The following ATP8A1 variants were observed in gnomAD, a reference collection of about 807,000 sequenced individuals.
ATP8A1 encodes the protein phospholipid-transporting ATPase IA.
In ATP8A1, 90 loss-of-function variants were observed where a neutral mutation model predicts 177.7. The ratio of observed to expected loss-of-function variants is 0.51; its 90% CI spans 0.43 to 0.60. The LOEUF (loss-of-function observed/expected upper bound fraction) is 0.60. ATP8A1 is among the 20% of genes least tolerant of loss of function. The pLI, the probability that ATP8A1 is intolerant of heterozygous loss-of-function variation, is 0.00. For missense variants in ATP8A1, 1,072 were observed against 1,392.8 expected (o/e 0.77, Z 3.67); for synonymous variants, 493 against 485.9 (o/e 1.01, Z -0.19).
chr4:42,558,453 T>C (rs1730476494), intron 15 of ATP8A1, among the ~76,000 whole-genome samples: 1 of 152,208 alleles, frequency 6.6e-6, no homozygotes, highest in Admixed American at 6.5e-5. Flanking sequence ...CACAATGTCA[T>C]ATAATTTGCA....
chr4:42,641,749 A>C (rs1469949259), intron 1 of ATP8A1, among the ~76,000 whole-genome samples: 1 of 152,232 alleles, frequency 6.6e-6, no homozygotes, highest in Admixed American at 6.5e-5. Flanking sequence ...CAATGATGAA[A>C]GTTATCTGAA....
chr4:42,573,642 C>T (rs1167664390), intron 14 of ATP8A1, among the ~76,000 whole-genome samples: 1 of 152,102 alleles, frequency 6.6e-6, no homozygotes, highest in African/African-American at 2.4e-5. Flanking sequence ...GTCATGCTCT[C>T]GTAACGCAAA....
At chr4:42,648,341 C>G (rs1397944228) in intron 1 of ATP8A1, among the ~76,000 whole-genome samples, 1 of 106,632 alleles carries the variant, frequency 9.4e-6, no homozygotes, top group Admixed American at 1.0e-4. Flanking sequence ...TAAAAGGGAC[C>G]AAAATAAAGA....
chr4:42,491,210 C>A (rs902144056), intron 24 of ATP8A1, among the ~76,000 whole-genome samples: 5 of 151,978 alleles, frequency 3.3e-5, no homozygotes, highest in South Asian at 2.1e-4. Flanking sequence ...TTTAGATCAG[C>A]TACTTAGTCA....
intron 22 of ATP8A1, among the ~76,000 whole-genome samples, chr4:42,520,060 T>C (rs999068540): frequency 2.6e-5 from 4 of 152,170 alleles, no homozygotes; most frequent in African/African-American, 9.6e-5. Context: ...AGCTGGAGGT[T>C]GCAAGGCTTT....
At chr4:42,504,627 A>G (rs1362984134) in intron 23 of ATP8A1, among the ~76,000 whole-genome samples, 3 of 152,202 alleles carry the variant, frequency 2.0e-5, no homozygotes. Context: ...AGTCTCCATC[A>G]TATTTCCCCT....
At position 42,510,542 on chromosome 4, in the gene ATP8A1, T is replaced by C. The variant is rs115194727; in HGVS notation, c.1948-3388A>G. Among the ~76,000 whole-genome samples the C allele has an allele frequency of 8.6e-3, 1,314 of 152,130 alleles. 11 individuals are homozygous for C. The highest frequency in any genetic ancestry group is 0.029 in the African/African-American group (1,219 of 41,508). On this transcript the variant is annotated intron_variant, in intron 22 of 36. Coordinates refer to ENST00000381668, the MANE Select transcript of ATP8A1 (RefSeq NM_006095.2). ...GGCATAAGGTTTTTTTTTTTAGTGA[T>C]CATGGGGACAGCTTATTAATACAAG...
At chr4:42,469,117 T>C (rs1393842136) in intron 25 of ATP8A1, among the ~76,000 whole-genome samples, 2 of 152,178 alleles carry the variant, frequency 1.3e-5, no homozygotes, top group African/African-American at 2.4e-5. Flanking sequence ...CCCCAGTTTA[T>C]AGTTAGTTTA....
intron 33 of ATP8A1, among the ~76,000 whole-genome samples, chr4:42,435,446 A>C (rs113211857): frequency 0.32 from 36,356 of 114,926 alleles, 5,310 homozygotes; most frequent in African/African-American, 0.39. Context: ...AAAAAAAAAA[A>C]AAACAAAAAA....
intron 27 of ATP8A1, among the ~76,000 whole-genome samples, chr4:42,458,626 A>T (rs1347497241): frequency 6.6e-6 from 1 of 152,230 alleles, no homozygotes; most frequent in Non-Finnish European, 1.5e-5. Flanking sequence ...TGTAATTTAC[A>T]GCAATGGAAT....
At chr4:42,591,898 G>A (rs746080469) in intron 6 of ATP8A1, among the ~76,000 whole-genome samples, 12 of 152,042 alleles carry the variant, frequency 7.9e-5, no homozygotes, top group Non-Finnish European at 1.6e-4. Flanking sequence ...GCTCACTTGC[G>A]GGTAAAAATC....
intron 16 of ATP8A1, among the ~76,000 whole-genome samples, chr4:42,555,649 C>T (rs543277323): frequency 6.6e-6 from 1 of 152,172 alleles, no homozygotes; most frequent in East Asian, 1.9e-4. Context: ...CATGGCGAAA[C>T]CCTGTCTCTA....
intron 36 of ATP8A1, among the ~76,000 whole-genome samples, chr4:42,413,950 A>G (rs1474487006): frequency 1.3e-5 from 2 of 152,248 alleles, no homozygotes; most frequent in East Asian, 3.9e-4. Context: ...CAGCATCACA[A>G]ATAAACTCAC....
At chr4:42,628,782 AG>A (rs1347819637) in intron 1 of ATP8A1, among the ~76,000 whole-genome samples, 4 of 152,208 alleles carry the variant, frequency 2.6e-5, no homozygotes, top group African/African-American at 9.6e-5. Flanking sequence ...CATGAAGACC[AG>A]AGTGTGCTGT....
chr4:42,476,822 C>A (rs2153187006), intron 25 of ATP8A1, among the ~76,000 whole-genome samples: 1 of 152,228 alleles, frequency 6.6e-6, no homozygotes, highest in African/African-American at 2.4e-5. Flanking sequence ...AACAAAAAAT[C>A]AATGTCCAGA....
At chr4:42,600,717 C>T (rs1434847265) in intron 5 of ATP8A1, among the ~76,000 whole-genome samples, 199 bp from the exon 6 acceptor site, 1 of 152,136 alleles carries the variant, frequency 6.6e-6, no homozygotes, top group Non-Finnish European at 1.5e-5. Context: ...TTTTAGCTCC[C>T]ACAACATCAC....
chr4:42,444,091 A>G (rs952771306), intron 32 of ATP8A1, among the ~76,000 whole-genome samples: 1 of 152,180 alleles, frequency 6.6e-6, no homozygotes, highest in East Asian at 1.9e-4. Flanking sequence ...ATGAAACTTT[A>G]ATGTCTTTTT....
At chr4:42,587,557 C>T (rs1474366298) in intron 8 of ATP8A1, among the ~76,000 whole-genome samples, 3 of 150,626 alleles carry the variant, frequency 2.0e-5, no homozygotes, top group South Asian at 2.1e-4. Context: ...CCACCTGCCT[C>T]GGCCTCCCAA....
chr4:42,532,866 C>G (rs369885898), intron 20 of ATP8A1, among the ~76,000 whole-genome samples: 5 of 152,190 alleles, frequency 3.3e-5, no homozygotes, highest in Non-Finnish European at 5.9e-5. Flanking sequence ...CTAACTGATA[C>G]GATATATTCT....
Sources: allele counts gnomAD v4.1 joint callset (sites outside exome capture counted in the v4.1 genomes callset), GRCh38; gene constraint gnomAD v4.1.1; transcripts MANE v1.5; gene names NCBI Gene and HGNC (gene_info 2026-07-23, HGNC 2026-07-21).